Variants in PALS1 observed in about 807,000 individuals in gnomAD.
The protein encoded by PALS1 is protein PALS1.
PALS1 carries 31 observed loss-of-function variants against 78.9 expected under a neutral mutation model. The ratio of observed to expected loss-of-function variants is 0.39; its 90% confidence interval spans 0.30 to 0.53. The LOEUF (loss-of-function observed/expected upper bound fraction) is 0.53, where lower values mean the gene tolerates loss of function less well. PALS1 is among the 20% of genes least tolerant of loss of function. PALS1 has a pLI of 0.67. For synonymous variants in PALS1, 276 were observed against 270.9 expected, an observed-to-expected ratio of 1.02 and a Z score of -0.18; for missense variants, 704 against 826.5, an observed-to-expected ratio of 0.85 and a Z score of 1.82.
At chr14:67,288,445 G>C (rs983350763) in intron 3 of PALS1, among the ~76,000 whole-genome samples, 2 of 152,050 alleles carry the variant, frequency 1.3e-5, no homozygotes, top group African/African-American at 4.8e-5. Flanking sequence ...TAATCCTAGC[G>C]CTTTGGGTGG....
intron 14 of PALS1, among the ~76,000 whole-genome samples, chr14:67,327,383 G>A (rs2085374663): frequency 3.3e-5 from 5 of 151,934 alleles, no homozygotes; most frequent in Admixed American, 3.3e-4. Context: ...GCGGGGTACA[G>A]TGGCTCACAC....
At chr14:67,287,925 T>C (rs898911813) in intron 3 of PALS1, among the ~76,000 whole-genome samples, 1 of 152,206 alleles carries the variant, frequency 6.6e-6, no homozygotes, top group South Asian at 2.1e-4. Flanking sequence ...CAGAAACTCC[T>C]TGGCCTTAAA....
At chr14:67,287,163 G>A (rs2084702610) in intron 3 of PALS1, among the ~76,000 whole-genome samples, 1 of 152,054 alleles carries the variant, frequency 6.6e-6, no homozygotes, top group Non-Finnish European at 1.5e-5. Flanking sequence ...GGACTGCAGT[G>A]AGCCATGTTC....
chr14:67,243,193 C>CTT (rs764739699), intron 1 of PALS1, among the ~76,000 whole-genome samples: 5 of 146,032 alleles, frequency 3.4e-5, no homozygotes, highest in Non-Finnish European at 6.1e-5. Flanking sequence ...ATTGTCTTTT[C>CTT]TTTTTTTTTT....
chr14:67,301,432 A>G lies in PALS1; in HGVS notation c.620A>G (p.Glu207Gly), dbSNP rs549665024. 1 of 1,611,090 alleles carries G rather than the reference A, an allele frequency of 6.2e-7. No homozygotes were observed. The highest frequency in any genetic ancestry group is 8.5e-7 in the Non-Finnish European group (1 of 1,178,218). ...LKPVHHKEGQ[E>G]LTALLNTPHI... is the part of the protein sequence containing the mutation. ...CCAGTTCATCATAAGGAAGGACAAG[A>G]ACTAACTGCTTTGCTGAATACTCCA... is the stretch of plus-strand genomic sequence containing the variant. The change falls in exon 5 of 15, where the codon GAA becomes GGA. Residue 207 changes from glutamate to glycine, a missense_variant. By Grantham distance (98) the Glu-to-Gly change is moderately conservative. Coordinates refer to ENST00000261681, the MANE Select transcript of PALS1 (RefSeq NM_022474.4).
chr14:67,295,514 T>C (rs1279489797), intron 4 of PALS1, among the ~76,000 whole-genome samples: 3 of 149,942 alleles, frequency 2.0e-5, no homozygotes, highest in Non-Finnish European at 3.0e-5. Flanking sequence ...TCTTGGAAAT[T>C]AATAAGAAAA....
intron 8 of PALS1, among the ~76,000 whole-genome samples, chr14:67,306,938 C>T (rs1298679956): frequency 6.6e-6 from 1 of 152,140 alleles, no homozygotes; most frequent in Non-Finnish European, 1.5e-5. Flanking sequence ...CAGATATCTT[C>T]CTGATTTATG....
intron 4 of PALS1, among the ~76,000 whole-genome samples, chr14:67,299,036 T>G (rs2084897157): frequency 6.6e-6 from 1 of 152,234 alleles, no homozygotes; most frequent in South Asian, 2.1e-4. Context: ...ATTTCATTCT[T>G]TGAATATCCC....
chr14:67,284,442 A>AAAAAAACAAAAAAAAAC (rs890593561), intron 3 of PALS1, among the ~76,000 whole-genome samples: 2 of 142,768 alleles, frequency 1.4e-5, no homozygotes, highest in African/African-American at 2.6e-5. Context: ...AAAAAAAAAA[A>AAAAAAACAAAAAAAAAC]AACAGCTGGG....
At chr14:67,327,207 C>G (rs1048443466) in intron 14 of PALS1, among the ~76,000 whole-genome samples, 5 of 152,096 alleles carry the variant, frequency 3.3e-5, no homozygotes, top group African/African-American at 1.2e-4. Flanking sequence ...GCTAGTATGA[C>G]TGAAGCTGCT....
At chr14:67,257,700 T>C (rs1055092150) in intron 1 of PALS1, among the ~76,000 whole-genome samples, 8 of 152,162 alleles carry the variant, frequency 5.3e-5, no homozygotes, top group African/African-American at 1.9e-4. Context: ...TTTTTATACA[T>C]GTCACTAGAA....
At chr14:67,256,125 C>G (rs1261935166) in intron 1 of PALS1, among the ~76,000 whole-genome samples, 2 of 152,040 alleles carry the variant, frequency 1.3e-5, no homozygotes, top group Non-Finnish European at 2.9e-5. Flanking sequence ...TGTAAGATAT[C>G]CAAATAGTAT....
At chr14:67,329,156 G>C (rs536324832) in intron 14 of PALS1, among the ~76,000 whole-genome samples, 5 of 152,310 alleles carry the variant, frequency 3.3e-5, no homozygotes, top group East Asian at 1.9e-4. Flanking sequence ...ACTTGGTTGA[G>C]CAGTGGTTTG....
chr14:67,314,513 C>T (rs562816459), intron 9 of PALS1, among the ~76,000 whole-genome samples: 3 of 152,220 alleles, frequency 2.0e-5, no homozygotes, highest in Admixed American at 1.3e-4. Context: ...TGCTAAAACC[C>T]GTGATTCTTC....
At chr14:67,250,887 C>T (rs1294915018) in intron 1 of PALS1, among the ~76,000 whole-genome samples, 1 of 152,200 alleles carries the variant, frequency 6.6e-6, no homozygotes, top group Non-Finnish European at 1.5e-5. Flanking sequence ...ATACTTTCTG[C>T]TTTCCCCTCT....
intron 1 of PALS1, among the ~76,000 whole-genome samples, chr14:67,257,742 G>A (rs1028649088): frequency 6.6e-6 from 1 of 152,124 alleles, no homozygotes; most frequent in Non-Finnish European, 1.5e-5. Flanking sequence ...GAAACTGAGA[G>A]TTAAAAGTGT....
intron 14 of PALS1, among the ~76,000 whole-genome samples, chr14:67,329,407 A>G (rs888650131): frequency 6.6e-6 from 1 of 152,190 alleles, no homozygotes; most frequent in Non-Finnish European, 1.5e-5. Context: ...TACATGTACA[A>G]TCATGTCATC....
chr14:67,306,079 C>T (rs902565516), intron 8 of PALS1, among the ~76,000 whole-genome samples: 6 of 152,214 alleles, frequency 3.9e-5, no homozygotes, highest in Non-Finnish European at 8.8e-5. Flanking sequence ...AAGCAGTTCT[C>T]CTGCTTCAGC....
Position 67,302,549 on chromosome 14 carries a change from T to C in PALS1, c.941T>C (p.Val314Ala). Reference protein sequence around the residue: ...INGIEIRGKDVNEVFDLLSDM... With the variant: ...INGIEIRGKDANEVFDLLSDM... ...GGCATTGAAATTCGGGGGAAAGATGTCAATGAGGTTTTTGACTTGTTGGTA... is the reference window on the plus strand; with the variant it reads ...GGCATTGAAATTCGGGGGAAAGATGCCAATGAGGTTTTTGACTTGTTGGTA... The change falls in exon 7 of 15, where the codon GTC becomes GCC. Residue 314 changes from valine to alanine, a missense_variant. Val to Ala is a moderately conservative substitution (Grantham distance 64, BLOSUM62 0). Transcript: ENST00000261681. 6.4e-7 allele frequency: 1 copy of C among 1,558,870 alleles called. No individual in the cohort carries two copies. The highest frequency in any genetic ancestry group is 8.7e-7 in the Non-Finnish European group (1 of 1,153,836).
Sources: allele counts gnomAD v4.1 joint callset (sites outside exome capture counted in the v4.1 genomes callset), GRCh38; gene constraint gnomAD v4.1.1; transcripts MANE v1.5; gene names NCBI Gene and HGNC (gene_info 2026-07-23, HGNC 2026-07-21).